The following CNGB3 variants were observed in gnomAD, a reference collection of about 807,000 sequenced individuals.
CNGB3 encodes the protein cyclic nucleotide-gated channel beta-3.
CNGB3 carries 86 observed loss-of-function variants against 92.8 expected under a neutral mutation model. That is an observed-to-expected ratio of 0.93 (90% confidence interval 0.78 to 1.11). The LOEUF is 1.11. Among genes scored for constraint, CNGB3 ranks in the 50% least tolerant of loss-of-function variants. The pLI, the probability that CNGB3 is intolerant of heterozygous loss-of-function variation, is 0.00. For missense variants in CNGB3, 1,026 were observed against 956.8 expected, an observed-to-expected ratio of 1.07 and a Z score of -0.95; for synonymous variants, 333 against 332.7, an observed-to-expected ratio of 1.00 and a Z score of -0.01.
intron 6 of CNGB3, 131 bp downstream of exon 6, chr8:86,666,794 T>C: frequency 1.3e-6 from 1 of 769,646 alleles, no homozygotes; most frequent in Non-Finnish European, 2.2e-6. Context: ...TTGTTATTAT[T>C]GCTCATGACT....
chr8:86,587,415 G>A (rs1821921018), intron 15 of CNGB3, among the ~76,000 whole-genome samples: 1 of 152,016 alleles, frequency 6.6e-6, no homozygotes, highest in Non-Finnish European at 1.5e-5. Flanking sequence ...CCTTGCCCAT[G>A]CCTATGTCCT....
intron 13 of CNGB3, among the ~76,000 whole-genome samples, chr8:86,616,451 A>C (rs1348968675): frequency 6.6e-6 from 1 of 152,076 alleles, no homozygotes. Context: ...AACTATTATT[A>C]TTCTTTTTTT....
At chr8:86,589,197 T>C (rs1317639791) in intron 15 of CNGB3, among the ~76,000 whole-genome samples, 1 of 150,086 alleles carries the variant, frequency 6.7e-6, no homozygotes, top group Non-Finnish European at 1.5e-5. Context: ...CCCTTTATCA[T>C]TTTTTATTGT....
At position 86,670,949 on chromosome 8, in the gene CNGB3, T is replaced by G. The variant is rs1225633981; in HGVS notation, c.488A>C (p.Gln163Pro). 6.2e-7 allele frequency: 1 copy of G among 1,612,350 alleles called. No individual in the cohort carries two copies. Among genetic ancestry groups the G allele is most frequent in the Non-Finnish European group, 8.5e-7 (1 of 1,179,976 alleles). Residue 163 changes from glutamine (Q) to proline (P), a missense_variant, in exon 4 of 18, where the codon CAA becomes CCA. Transcript: ENST00000320005. ...GDLSSPEASP[Q>P]TAKPTAVPPV... is the part of the protein sequence containing the mutation. ...TTGGAGGGAGCAATGCTTACCAGTT[T>G]GTGGGCTGGCTTCGGGTGAGGAGAG... is the stretch of plus-strand genomic sequence containing the variant.
intron 14 of CNGB3, among the ~76,000 whole-genome samples, chr8:86,607,343 T>C (rs13280625): frequency 0.087 from 13,194 of 152,192 alleles, 1,268 homozygotes; most frequent in Admixed American, 0.3. Context: ...CAAGCTCTGG[T>C]TGTTAGCGTG....
chr8:86,618,367 G>A (rs1822657149), intron 13 of CNGB3, among the ~76,000 whole-genome samples: 1 of 152,168 alleles, frequency 6.6e-6, no homozygotes, highest in South Asian at 2.1e-4. Context: ...GATTTTACCT[G>A]TGTAGAAACT....
chr8:86,596,171 G>A (rs1822167360), intron 15 of CNGB3, among the ~76,000 whole-genome samples: 1 of 152,142 alleles, frequency 6.6e-6, no homozygotes, highest in Admixed American at 6.6e-5. Flanking sequence ...ATTATTTCCA[G>A]GCACTATTTA....
Position 86,626,045 on chromosome 8 carries a change from C to T in CNGB3, c.1516G>A (p.Val506Ile). The T allele has an allele frequency of 6.2e-7, 1 of 1,613,706 alleles. No individual in the cohort carries two copies. The highest frequency in any genetic ancestry group is 8.5e-7 in the Non-Finnish European group (1 of 1,179,840). The change falls in exon 13 of 18, where the codon GTC becomes ATC. Residue 506 changes from valine to isoleucine, a missense_variant. Physicochemically the swap from Val to Ile is conservative, Grantham distance 29 (BLOSUM62 3). Coordinates refer to ENST00000320005, the MANE Select transcript of CNGB3 (RefSeq NM_019098.5). ...ACATCAATGGCGAGGGCTAACTGGA[C>T]CGTAGTTGGTAGGGTCTTAAGCAAA... ...SDLLKTLPTTVQLALAIDVNF... is the reference protein window; with the variant it reads ...SDLLKTLPTTIQLALAIDVNF...
chr8:86,608,093 A>T (rs1045073824), intron 14 of CNGB3, among the ~76,000 whole-genome samples: 3 of 152,228 alleles, frequency 2.0e-5, no homozygotes, highest in African/African-American at 7.2e-5. Flanking sequence ...GTTCCAGTAT[A>T]ATAAAATATA....
At chr8:86,577,652 T>A (rs1453227324) in intron 17 of CNGB3, among the ~76,000 whole-genome samples, 1 of 152,208 alleles carries the variant, frequency 6.6e-6, no homozygotes, top group African/African-American at 2.4e-5. Flanking sequence ...ATTTGATCAA[T>A]TGATTAATTT....
At chr8:86,737,489 C>T (rs117655318) in intron 2 of CNGB3, among the ~76,000 whole-genome samples, 10 of 151,948 alleles carry the variant, frequency 6.6e-5, no homozygotes, top group Non-Finnish European at 1.5e-4. Flanking sequence ...CAGAGCGGTC[C>T]TTTTTTTAAA....
intron 14 of CNGB3, among the ~76,000 whole-genome samples, chr8:86,606,872 C>G (rs1186650898): frequency 3.9e-5 from 6 of 152,174 alleles, no homozygotes; most frequent in African/African-American, 1.4e-4. Flanking sequence ...TACATGAAGA[C>G]AGACCACATC....
At chr8:86,718,170 C>A (rs999185372) in intron 3 of CNGB3, among the ~76,000 whole-genome samples, 1 of 151,848 alleles carries the variant, frequency 6.6e-6, no homozygotes, top group African/African-American at 2.4e-5. Flanking sequence ...AAGATCAGAG[C>A]AGAACTAAAT....
intron 3 of CNGB3, among the ~76,000 whole-genome samples, chr8:86,716,146 C>T (rs1345714392): frequency 1.3e-5 from 2 of 151,952 alleles, no homozygotes; most frequent in Non-Finnish European, 2.9e-5. Context: ...AGCTCAAAGA[C>T]GAGGCTTTCA....
rs753694130 is a variant in CNGB3, at chr8:86,628,975, A to C, written c.1424T>G (p.Val475Gly). Residue 475 changes from valine to glycine, a missense_variant, in exon 12 of 18, where the codon GTG (valine) becomes GGG (glycine). Coordinates refer to ENST00000320005, the MANE Select transcript of CNGB3 (RefSeq NM_019098.5). ...YMNNYSIPKL[V>G]QKRVRTWYEY... is the part of the protein sequence containing the mutation. Reference sequence around the variant, plus strand: ...ATACCAAGTCCGAACTCGCTTTTGCACAAGTTTAGGAATGGAGTAATTGTT... The same window carrying C: ...ATACCAAGTCCGAACTCGCTTTTGCCCAAGTTTAGGAATGGAGTAATTGTT... The C allele has an allele frequency of 3.1e-6, 5 of 1,614,002 alleles. No individual in the cohort carries two copies. The highest frequency in any genetic ancestry group is 3.4e-6 in the Non-Finnish European group (4 of 1,179,934).
intron 3 of CNGB3, among the ~76,000 whole-genome samples, chr8:86,722,568 C>T (rs183695890): frequency 6.6e-6 from 1 of 152,208 alleles, no homozygotes; most frequent in East Asian, 1.9e-4. Context: ...AAACATTATT[C>T]TGGTTGTGTC....
chr8:86,608,697 AAAT>A (rs1822459700), intron 14 of CNGB3, among the ~76,000 whole-genome samples: 1 of 152,234 alleles, frequency 6.6e-6, no homozygotes, highest in East Asian at 1.9e-4. Context: ...TGATATGCAG[AAAT>A]AATAGCATAA....
At chr8:86,605,803 C>T (rs1381851906) in intron 14 of CNGB3, among the ~76,000 whole-genome samples, 1 of 152,118 alleles carries the variant, frequency 6.6e-6, no homozygotes, top group Non-Finnish European at 1.5e-5. Flanking sequence ...TTTCCTTACA[C>T]CTAGGTTTAT....
At chr8:86,606,570 C>T (rs890684027) in intron 14 of CNGB3, among the ~76,000 whole-genome samples, 2 of 152,140 alleles carry the variant, frequency 1.3e-5, no homozygotes, top group Non-Finnish European at 2.9e-5. Flanking sequence ...CATGTCTTTG[C>T]ATATTACTTT....
Sources: allele counts gnomAD v4.1 joint callset (sites outside exome capture counted in the v4.1 genomes callset), GRCh38; gene constraint gnomAD v4.1.1; transcripts MANE v1.5; gene names NCBI Gene and HGNC (gene_info 2026-07-23, HGNC 2026-07-21).